The following MCF2 variants were observed in gnomAD, a reference collection of about 807,000 sequenced individuals.
MCF2 encodes the protein MCF.2 cell line derived transforming sequence, also known as proto-oncogene DBL.
A neutral mutation model predicts 82.5 loss-of-function variants in MCF2; 44 were observed. That is an observed-to-expected ratio of 0.53 (90% CI 0.42 to 0.69). The LOEUF (loss-of-function observed/expected upper bound fraction) is 0.69. Ranked by LOEUF, MCF2 falls within the 30% of genes least tolerant of loss-of-function variation. The pLI, the probability that MCF2 is intolerant of heterozygous loss-of-function variation, is 0.00. For missense variants in MCF2, 623 were observed against 663.1 expected (o/e 0.94, Z 0.66); for synonymous variants, 217 against 224.9 (o/e 0.96, Z 0.32).
At chrX:139,584,613 A>G (rs934468706) in intron 24 of MCF2, among the ~76,000 whole-genome samples, 1 of 111,892 alleles carries the variant, frequency 8.9e-6, no homozygotes, top group Non-Finnish European at 1.9e-5. Flanking sequence ...TCATTAGTGT[A>G]TTTTTGAGAA....
At chrX:139,668,924 A>C (rs1187389817) in intron 1 of MCF2, among the ~76,000 whole-genome samples, 4 of 111,478 alleles carry the variant, frequency 3.6e-5, no homozygotes, top group Non-Finnish European at 7.5e-5. Context: ...AAAATGTAGC[A>C]GCTAAAACAA....
intron 1 of MCF2, chrX:139,692,183 C>T: frequency 9.2e-6 from 9 of 977,023 alleles, no homozygotes; most frequent in Non-Finnish European, 1.3e-5. Flanking sequence ...CCGCTGCCAT[C>T]CTCACGCTGG....
exon 14 of MCF2, chrX:139,604,896 A>C: frequency 8.4e-7 from 1 of 1,190,258 alleles, no homozygotes; most frequent in Non-Finnish European, 1.1e-6. Flanking sequence ...TATTTCTGCC[A>C]TGTTTCCAAA....
At chrX:139,686,592 C>T (rs776676744) in intron 1 of MCF2, among the ~76,000 whole-genome samples, 3 of 111,247 alleles carry the variant, frequency 2.7e-5, no homozygotes, top group Non-Finnish European at 3.8e-5. Flanking sequence ...CGTAAACCTA[C>T]GCCTCCTGCA....
chrX:139,594,283 A>G (rs1423350481), intron 19 of MCF2, among the ~76,000 whole-genome samples: 2 of 111,074 alleles, frequency 1.8e-5, no homozygotes, highest in Non-Finnish European at 3.8e-5. Context: ...TCCTAAGCCA[A>G]AAGAACAAAG....
Position 139,616,119 on chromosome X carries a change from G to A in MCF2, c.1191+163C>T, listed in dbSNP as rs111789269. On this transcript the variant is annotated intron_variant, in intron 9 of 24. Coordinates refer to ENST00000370576, the Ensembl canonical transcript of MCF2. ...CATTATATAGCAAACATATGCCTTTGAATTATTTGATGCTTGACAGTGGCA... is the reference window on the plus strand; with the variant it reads ...CATTATATAGCAAACATATGCCTTTAAATTATTTGATGCTTGACAGTGGCA... Among the ~76,000 whole-genome samples the A allele has an allele frequency of 6.1e-3, 674 of 111,375 alleles. 10 individuals carry two copies. The highest frequency in any genetic ancestry group is 0.02 in the African/African-American group (630 of 30,760).
At chrX:139,683,812 A>G (rs940912285) in intron 1 of MCF2, among the ~76,000 whole-genome samples, 2 of 112,100 alleles carry the variant, frequency 1.8e-5, no homozygotes, top group African/African-American at 6.5e-5. Context: ...GCCGCACACT[A>G]TACACAAAAA....
At position 139,589,843 on chromosome X, in the gene MCF2, T is replaced by C; in HGVS notation, c.2362A>G (p.Ile788Val). The C allele has an allele frequency of 1.7e-6, 2 of 1,192,375 alleles. No homozygotes were observed. Among genetic ancestry groups the C allele is most frequent in the Non-Finnish European group, 2.3e-6 (2 of 884,733 alleles). Residue 788 changes from isoleucine (I) to valine (V), a missense_variant, in exon 20 of 25, where the codon ATT (isoleucine) becomes GTT (valine). By Grantham distance (29) the Ile-to-Val change is conservative. Coordinates refer to ENST00000370576, the Ensembl canonical transcript of MCF2. ...ATTTTCAAATGACCAACCTGGACAA[T>C]ATAAACTTCTTCCTTTTCACCATAC...
rs749837240 is a variant in MCF2 at position 139,664,328 on chromosome X, A to AAC, written c.-44-12541_-44-12540insGT. Among the ~76,000 whole-genome samples, 369 of 112,165 alleles carry AAC rather than the reference A, an allele frequency of 3.3e-3. 1 individual carries two copies. The highest frequency in any genetic ancestry group is 0.011 in the African/African-American group (348 of 30,819). ...CTTTTTAAAACAAAAAACAAAAAAA[A>AAC]AAAACCATTTTTGATGTAAAATCTG... On this transcript the variant is annotated intron_variant, in intron 1 of 27. Coordinates refer to the MCF2 transcript ENST00000414978.
intron 1 of MCF2, among the ~76,000 whole-genome samples, chrX:139,702,693 A>G (rs776790108): frequency 8.9e-6 from 1 of 112,708 alleles, no homozygotes; most frequent in African/African-American, 3.2e-5. Context: ...ACTTCCACAG[A>G]AAAGTCCTAA....
At chrX:139,619,357 A>G (rs781447425) in intron 7 of MCF2, among the ~76,000 whole-genome samples, 14 of 110,601 alleles carry the variant, frequency 1.3e-4, no homozygotes, top group African/African-American at 4.3e-4. Context: ...GGCAAGCGAT[A>G]AAAGGCTACA....
Position 139,698,822 on chromosome X carries a change from A to G in MCF2, c.-45+9284T>C, listed in dbSNP as rs768134761. Among the ~76,000 whole-genome samples the G allele has an allele frequency of 1.3e-4, 15 of 112,277 alleles. No individual in the cohort carries two copies. In the East Asian group the frequency reaches 4.2e-3, roughly 31 times the overall value. ...AGAATCAAGTCTTTACATGATGAGC[A>G]GTTTACCATCTTAATTTGATATACA... is the stretch of plus-strand genomic sequence containing the variant. On this transcript the variant is annotated intron_variant, in intron 1 of 27. Coordinates refer to the MCF2 transcript ENST00000414978.
rs1412309080 is a variant in MCF2 at position 139,642,344 on chromosome X, T to A, written c.51+124A>T. On this transcript the variant is annotated intron_variant, in intron 1 of 24. Transcript: ENST00000370576. ...TCAATGCAATCCATGCAAATATAAG[T>A]CTCCATTCTCTCCATCTGTCCTTAA... is the stretch of plus-strand genomic sequence containing the variant. 3.4e-6 allele frequency: 3 copies of A among 894,427 alleles called. No individual in the cohort carries two copies. The African/African-American group carries it at 5.9e-5, about 18-fold the overall frequency. The allele number at this position is 894,427 out of a possible 1,213,427, so 73.7% of individuals were successfully genotyped here.
chrX:139,687,783 A>G (rs756839946), intron 1 of MCF2, among the ~76,000 whole-genome samples: 1 of 112,376 alleles, frequency 8.9e-6, no homozygotes, highest in Non-Finnish European at 1.9e-5. Context: ...TAACTTATTT[A>G]ACTGCATCAA....
intron 13 of MCF2, 42 bp from the exon 18 acceptor site, chrX:139,605,026 A>C: frequency 1.3e-6 from 1 of 743,491 alleles, no homozygotes; most frequent in Non-Finnish European, 2.0e-6. Flanking sequence ...AAATAATTAC[A>C]TGCACATTTG....
chrX:139,606,320 G>A (rs1043139023), intron 12 of MCF2, among the ~76,000 whole-genome samples: 1 of 109,117 alleles, frequency 9.2e-6, no homozygotes, highest in African/African-American at 3.3e-5. Flanking sequence ...TTTTACCCTG[G>A]TCTCCTCAAG....
intron 16 of MCF2, among the ~76,000 whole-genome samples, chrX:139,600,150 G>A (rs532772850): frequency 1.1e-4 from 12 of 111,132 alleles, no homozygotes; most frequent in African/African-American, 3.9e-4. Context: ...ATTAGTGATT[G>A]CCTAGGGCTG....
chrX:139,690,073 A>T (rs1935221920), intron 1 of MCF2, among the ~76,000 whole-genome samples: 1 of 112,134 alleles, frequency 8.9e-6, no homozygotes, highest in Non-Finnish European at 1.9e-5. Flanking sequence ...AATCCCTTCC[A>T]GGGCAAATGC....
In MCF2 at chrX:139,663,049, G is replaced by T. The variant is rs191823632; in HGVS notation, c.-44-11261C>A. Reference sequence around the variant, plus strand: ...TTCTTTATCCATTCATCCGTTGATGGACACTTAGGTTGATTCCATATTTTT... The same window carrying T: ...TTCTTTATCCATTCATCCGTTGATGTACACTTAGGTTGATTCCATATTTTT... On this transcript the variant is annotated intron_variant, in intron 1 of 27. Coordinates refer to the MCF2 transcript ENST00000414978. Among the ~76,000 whole-genome samples the T allele has an allele frequency of 3.6e-5, 4 of 111,990 alleles. No homozygotes were observed. In the Admixed American group the frequency reaches 3.8e-4, roughly 11 times the overall value.
Sources: allele counts gnomAD v4.1 joint callset (sites outside exome capture counted in the v4.1 genomes callset), GRCh38; gene constraint gnomAD v4.1.1; transcripts MANE v1.5; gene names NCBI Gene and HGNC (gene_info 2026-07-23, HGNC 2026-07-21).